IFITM1: variants seen among roughly 807,000 people sequenced by gnomAD.
IFITM1 encodes interferon-induced transmembrane protein 1.
Under a neutral mutation model 4.0 loss-of-function variants are expected in IFITM1, and 1 was observed. The observed-to-expected ratio is 0.25, with a 90% confidence interval of 0.09 to 1.18. The LOEUF (loss-of-function observed/expected upper bound fraction) is 1.18, where lower values mean the gene tolerates loss of function less well. Among genes scored for constraint, IFITM1 ranks in the 50% most tolerant of loss-of-function variants. The probability of loss-of-function intolerance (pLI) is 0.50; values close to 1 mark genes in which losing one functional copy is unlikely to be tolerated. For missense variants in IFITM1, 131 were observed against 163.2 expected, an observed-to-expected ratio of 0.80 and a Z score of 1.08; for synonymous variants, 79 against 69.7, an observed-to-expected ratio of 1.13 and a Z score of -0.67.
At position 315,174 on chromosome 11, in the gene IFITM1, G is replaced by T; in HGVS notation, c.*61G>T. The stretch of plus-strand genomic sequence containing the variant: ...GTGCAATGCTGGCCCTGCACGCTGG[G>T]GCTGTTGCCCCTGCCCCCTTGGTCC... On this transcript the variant is annotated 3_prime_UTR_variant, in exon 2 of 2. Coordinates refer to ENST00000408968, the MANE Select transcript of IFITM1 (RefSeq NM_003641.5). 6.5e-7 allele frequency: 1 copy of T among 1,549,494 alleles called. No individual in the cohort carries two copies. Among genetic ancestry groups the T allele is most frequent in the Non-Finnish European group, 8.9e-7 (1 of 1,128,600 alleles).
At position 314,847 on chromosome 11, in the gene IFITM1, G is replaced by C; in HGVS notation, c.187-75G>C. 6.2e-7 allele frequency: 1 copy of C among 1,601,092 alleles called. No individual in the cohort carries two copies. The highest frequency in any genetic ancestry group is 8.5e-7 in the Non-Finnish European group (1 of 1,173,458). On this transcript the variant is annotated intron_variant, in intron 1 of 1. Transcript: ENST00000408968. This position sits in a 1 kb window ranked among gnomAD's most constrained non-coding sequence, Gnocchi z 4.5. ...AGGAGGTGGTCCCTGATCTCAGGGC[G>C]GGGAGGAGACGGAGCCATAGCACGC...
Position 315,238 on chromosome 11 carries a change from TAC to T in IFITM1, c.*127_*128del. ...AGCAGTTTATACCCACACACCTGTC[TAC>T]AGTGTCATTCAATAAAGTGCACGTG... On this transcript the variant is annotated 3_prime_UTR_variant, in exon 2 of 2. Coordinates refer to ENST00000408968, the MANE Select transcript of IFITM1 (RefSeq NM_003641.5). The T allele has an allele frequency of 1.2e-6, 1 of 854,138 alleles. No individual in the cohort carries two copies. The highest frequency in any genetic ancestry group is 1.6e-5 in the South Asian group (1 of 61,448). 52.9% of individuals were successfully genotyped at this position (854,138 alleles called of 1,614,324 possible).
rs1394527000 is a variant in IFITM1 at position 314,154 on chromosome 11, T to C, written c.-17T>C. ...TCTCAAACCTTCACTCAACACTTCCTTCCCCAAAGCCAGAAGATGCACAAG... is the reference window on the plus strand; with the variant it reads ...TCTCAAACCTTCACTCAACACTTCCCTCCCCAAAGCCAGAAGATGCACAAG... On this transcript the variant is annotated 5_prime_UTR_variant, in exon 1 of 2. Transcript: ENST00000408968. This position sits in a 1 kb window ranked among gnomAD's most constrained non-coding sequence, Gnocchi z 4.5. 1.9e-6 allele frequency: 3 copies of C among 1,612,690 alleles called. No individual in the cohort carries two copies. The East Asian group carries it at 6.7e-5, about 36-fold the overall frequency.
rs1002061587 is a variant in IFITM1, at chr11:314,829, G to C, written c.187-93G>C. 4.9e-5 allele frequency: 77 copies of C among 1,567,504 alleles called. No individual in the cohort carries two copies. The highest frequency in any genetic ancestry group is 6.6e-5 in the Non-Finnish European group (76 of 1,148,692). On this transcript the variant is annotated intron_variant, in intron 1 of 1. Coordinates refer to ENST00000408968, the MANE Select transcript of IFITM1 (RefSeq NM_003641.5). The surrounding 1 kb of genome is among the most constrained non-coding windows in gnomAD (Gnocchi z 4.5). Reference sequence around the variant, plus strand: ...GCCCGGGTGAGGAAGGGGAGGAGGTGGTCCCTGATCTCAGGGCGGGGAGGA... The same window carrying C: ...GCCCGGGTGAGGAAGGGGAGGAGGTCGTCCCTGATCTCAGGGCGGGGAGGA...
In IFITM1 at chr11:314,320, C is replaced by T; in HGVS notation, c.150C>T (p.Cys50=). 6.2e-7 allele frequency: 1 copy of T among 1,613,976 alleles called. No individual in the cohort carries two copies. Among genetic ancestry groups the T allele is most frequent in the Non-Finnish European group, 8.5e-7 (1 of 1,179,870 alleles). The change falls in exon 1 of 2, where the codon TGC becomes TGT. Residue 50 remains cysteine, a synonymous_variant. Coordinates refer to ENST00000408968, the MANE Select transcript of IFITM1 (RefSeq NM_003641.5). This position sits in a 1 kb window ranked among gnomAD's most constrained non-coding sequence, Gnocchi z 4.5. Reference sequence around the variant, plus strand: ...TCAACACCCTCTTCTTGAACTGGTGCTGTCTGGGCTTCATAGCATTCGCCT... The same window carrying T: ...TCAACACCCTCTTCTTGAACTGGTGTTGTCTGGGCTTCATAGCATTCGCCT... ...SLFNTLFLNW[C]CLGFIAFAYS...
chr11:314,043 AC>A lies in IFITM1; in HGVS notation c.-127del. ...AAATACACACTTCTGAGAAACTGAA[AC>A]GACAGGGGAAAGGAGGTCTCACTGA... On this transcript the variant is annotated 5_prime_UTR_variant, in exon 1 of 2. Transcript: ENST00000408968. The surrounding 1 kb of genome is among the most constrained non-coding windows in gnomAD (Gnocchi z 4.5). The A allele has an allele frequency of 1.4e-6, 1 of 722,246 alleles. No individual in the cohort carries two copies. Among genetic ancestry groups the A allele is most frequent in the Non-Finnish European group, 2.4e-6 (1 of 420,360 alleles). The allele number at this position is 722,246 out of a possible 1,614,324, so 44.7% of individuals were successfully genotyped here.
Position 315,166 on chromosome 11 carries a change from C to G in IFITM1, c.*53C>G. ...ACTCCACTGTGCAATGCTGGCCCTG[C>G]ACGCTGGGGCTGTTGCCCCTGCCCC... On this transcript the variant is annotated 3_prime_UTR_variant, in exon 2 of 2. Coordinates refer to ENST00000408968, the MANE Select transcript of IFITM1 (RefSeq NM_003641.5). 6.4e-7 allele frequency: 1 copy of G among 1,569,982 alleles called. No homozygotes were observed. The highest frequency in any genetic ancestry group is 2.2e-5 in the East Asian group (1 of 44,534).
At position 314,804 on chromosome 11, in the gene IFITM1, G is replaced by T; in HGVS notation, c.187-118G>T. On this transcript the variant is annotated intron_variant, in intron 1 of 1. Transcript: ENST00000408968. The surrounding 1 kb of genome is among the most constrained non-coding windows in gnomAD (Gnocchi z 4.5). ...GCCCCGAGGCTCCTGGAGAGTCTGA[G>T]CCCGGGTGAGGAAGGGGAGGAGGTG... The T allele has an allele frequency of 1.4e-6, 2 of 1,462,368 alleles. No individual in the cohort carries two copies. Among genetic ancestry groups the T allele is most frequent in the South Asian group, 2.4e-5 (2 of 84,042 alleles). 90.6% of individuals were successfully genotyped at this position (1,462,368 alleles called of 1,614,324 possible). A position where few individuals can be genotyped will look rare whatever the true frequency, so the allele number is the denominator to read the frequency against.
chr11:314,214 C>A lies in IFITM1; in HGVS notation c.44C>A (p.Pro15His), dbSNP rs765520870. ...GAGGTGGCTGTGCTGGGGCCACCCCCCAGCACCATCCTTCCAAGGTCCACC... is the reference window on the plus strand; with the variant it reads ...GAGGTGGCTGTGCTGGGGCCACCCCACAGCACCATCCTTCCAAGGTCCACC... ...EHEVAVLGPP[P>H]STILPRSTVI... is the part of the protein sequence containing the mutation. The change falls in exon 1 of 2, where the codon CCC (proline) becomes CAC (histidine). Residue 15 changes from proline to histidine, a missense_variant. By Grantham distance (77) the Pro-to-His change is moderately conservative. Around this residue, in one of 3 missense-constraint regions of IFITM1, gnomAD observed 77 missense variants for 80.1 expected, o/e 0.96. Transcript: ENST00000408968. The surrounding 1 kb of genome is among the most constrained non-coding windows in gnomAD (Gnocchi z 4.5). 2 of 1,613,766 alleles carry A rather than the reference C, an allele frequency of 1.2e-6. No individual in the cohort carries two copies. The highest frequency in any genetic ancestry group is 1.7e-5 in the Admixed American group (1 of 59,998).
rs1339298745 is a variant in IFITM1 at position 314,744 on chromosome 11, C to T, written c.187-178C>T. Among the ~76,000 whole-genome samples the T allele has an allele frequency of 1.3e-5, 2 of 152,178 alleles. No individual in the cohort carries two copies. The highest frequency in any genetic ancestry group is 2.9e-5 in the Non-Finnish European group (2 of 68,020). On this transcript the variant is annotated intron_variant, in intron 1 of 1. Transcript: ENST00000408968. The surrounding 1 kb of genome is among the most constrained non-coding windows in gnomAD (Gnocchi z 4.5). The stretch of plus-strand genomic sequence containing the variant: ...TGACTTCACCCCATGGTGGGGAGAA[C>T]AGCCTGTGCTGGGGCCAAGGCAGAA...
In IFITM1 at chr11:314,042, A is replaced by C; in HGVS notation, c.-129A>C. On this transcript the variant is annotated 5_prime_UTR_variant, in exon 1 of 2. Coordinates refer to ENST00000408968, the MANE Select transcript of IFITM1 (RefSeq NM_003641.5). This position sits in a 1 kb window ranked among gnomAD's most constrained non-coding sequence, Gnocchi z 4.5. ...GAAATACACACTTCTGAGAAACTGA[A>C]ACGACAGGGGAAAGGAGGTCTCACT... 1 of 719,994 alleles carries C rather than the reference A, an allele frequency of 1.4e-6. No individual in the cohort carries two copies. Among genetic ancestry groups the C allele is most frequent in the South Asian group, 1.8e-5 (1 of 56,912 alleles). 44.6% of individuals were successfully genotyped at this position (719,994 alleles called of 1,614,324 possible).
chr11:314,083 A>G lies in IFITM1; in HGVS notation c.-88A>G. ...AGGTCTCACTGAGCACCGTCCCAGC[A>G]TCCGGACACCACAGCGGCCCTTCGC... On this transcript the variant is annotated 5_prime_UTR_variant, in exon 1 of 2. Transcript: ENST00000408968. This position sits in a 1 kb window ranked among gnomAD's most constrained non-coding sequence, Gnocchi z 4.5. The G allele has an allele frequency of 1.7e-6, 2 of 1,161,294 alleles. No homozygotes were observed. The highest frequency in any genetic ancestry group is 2.6e-5 in the South Asian group (2 of 77,176). The allele number at this position is 1,161,294 out of a possible 1,614,324, so 71.9% of individuals were successfully genotyped here. A position where few individuals can be genotyped will look rare whatever the true frequency, so the allele number is the denominator to read the frequency against.
rs761685431 is a variant in IFITM1 at position 314,208 on chromosome 11, C to A, written c.38C>A (p.Pro13Gln). The A allele has an allele frequency of 6.2e-7, 1 of 1,613,036 alleles. No individual in the cohort carries two copies. Among genetic ancestry groups the A allele is most frequent in the East Asian group, 2.2e-5 (1 of 44,884 alleles). ...GAACATGAGGTGGCTGTGCTGGGGC[C>A]ACCCCCCAGCACCATCCTTCCAAGG... Reference protein sequence around the residue: ...KEEHEVAVLGPPPSTILPRST... With the variant: ...KEEHEVAVLGQPPSTILPRST... The change falls in exon 1 of 2, where the codon CCA becomes CAA. Residue 13 changes from proline to glutamine, a missense_variant. Pro to Gln is a moderately conservative substitution (Grantham distance 76, BLOSUM62 -1). Around this residue, in one of 3 missense-constraint regions of IFITM1, gnomAD observed 77 missense variants for 80.1 expected, o/e 0.96. Coordinates refer to ENST00000408968, the MANE Select transcript of IFITM1 (RefSeq NM_003641.5). This position sits in a 1 kb window ranked among gnomAD's most constrained non-coding sequence, Gnocchi z 4.5.
Position 314,483 on chromosome 11 carries a change from T to A in IFITM1, c.186+127T>A. ...TGAGTTTGTGTGCACCTCTGCCCCGTGTGTGCTCACGTCAGTAGCTTTGTC... is the reference window on the plus strand; with the variant it reads ...TGAGTTTGTGTGCACCTCTGCCCCGAGTGTGCTCACGTCAGTAGCTTTGTC... On this transcript the variant is annotated intron_variant, in intron 1 of 1. Coordinates refer to ENST00000408968, the MANE Select transcript of IFITM1 (RefSeq NM_003641.5). The surrounding 1 kb of genome is among the most constrained non-coding windows in gnomAD (Gnocchi z 4.5). 1 of 1,075,484 alleles carries A rather than the reference T, an allele frequency of 9.3e-7. No individual in the cohort carries two copies. Among genetic ancestry groups the A allele is most frequent in the South Asian group, 1.3e-5 (1 of 74,568 alleles). The allele number at this position is 1,075,484 out of a possible 1,614,324, so 66.6% of individuals were successfully genotyped here.
chr11:315,179 T>C lies in IFITM1; in HGVS notation c.*66T>C. The C allele has an allele frequency of 6.7e-7, 1 of 1,498,974 alleles. No homozygotes were observed. The highest frequency in any genetic ancestry group is 1.2e-5 in the South Asian group (1 of 85,328). 92.9% of individuals were successfully genotyped at this position (1,498,974 alleles called of 1,614,324 possible). On this transcript the variant is annotated 3_prime_UTR_variant, in exon 2 of 2. Transcript: ENST00000408968. ...ATGCTGGCCCTGCACGCTGGGGCTG[T>C]TGCCCCTGCCCCCTTGGTCCTGCCC...
Position 314,094 on chromosome 11 carries a change from A to G in IFITM1, c.-77A>G, listed in dbSNP as rs1458500534. ...AGCACCGTCCCAGCATCCGGACACC[A>G]CAGCGGCCCTTCGCTCCACGCAGAA... On this transcript the variant is annotated 5_prime_UTR_variant, in exon 1 of 2. Transcript: ENST00000408968. This position sits in a 1 kb window ranked among gnomAD's most constrained non-coding sequence, Gnocchi z 4.5. The G allele has an allele frequency of 7.5e-7, 1 of 1,337,416 alleles. No individual in the cohort carries two copies. 82.8% of individuals were successfully genotyped at this position (1,337,416 alleles called of 1,614,324 possible).
chr11:314,101 C>T lies in IFITM1; in HGVS notation c.-70C>T. 3 of 1,413,540 alleles carry T rather than the reference C, an allele frequency of 2.1e-6. No homozygotes were observed. The highest frequency in any genetic ancestry group is 3.0e-6 in the Non-Finnish European group (3 of 1,003,218). The allele number at this position is 1,413,540 out of a possible 1,614,324, so 87.6% of individuals were successfully genotyped here. A position where few individuals can be genotyped will look rare whatever the true frequency, so the allele number is the denominator to read the frequency against. ...TCCCAGCATCCGGACACCACAGCGG[C>T]CCTTCGCTCCACGCAGAAAACCACA... is the stretch of plus-strand genomic sequence containing the variant. On this transcript the variant is annotated 5_prime_UTR_variant, in exon 1 of 2. Transcript: ENST00000408968. The surrounding 1 kb of genome is among the most constrained non-coding windows in gnomAD (Gnocchi z 4.5).
chr11:315,151 G>A lies in IFITM1; in HGVS notation c.*38G>A, dbSNP rs1846039903. On this transcript the variant is annotated 3_prime_UTR_variant, in exon 2 of 2. Transcript: ENST00000408968. ...GCCTGCAACCTTTGCACTCCACTGT[G>A]CAATGCTGGCCCTGCACGCTGGGGC... The A allele has an allele frequency of 6.2e-7, 1 of 1,601,596 alleles. No individual in the cohort carries two copies. Among genetic ancestry groups the A allele is most frequent in the Non-Finnish European group, 8.5e-7 (1 of 1,170,538 alleles).
chr11:314,044 C>G lies in IFITM1; in HGVS notation c.-127C>G, dbSNP rs1022291727. The G allele has an allele frequency of 1.4e-6, 1 of 726,318 alleles. No homozygotes were observed. Among genetic ancestry groups the G allele is most frequent in the Non-Finnish European group, 2.4e-6 (1 of 423,272 alleles). The allele number at this position is 726,318 out of a possible 1,614,324, so 45.0% of individuals were successfully genotyped here. A position where few individuals can be genotyped will look rare whatever the true frequency, so the allele number is the denominator to read the frequency against. On this transcript the variant is annotated 5_prime_UTR_variant, in exon 1 of 2. Coordinates refer to ENST00000408968, the MANE Select transcript of IFITM1 (RefSeq NM_003641.5). This position sits in a 1 kb window ranked among gnomAD's most constrained non-coding sequence, Gnocchi z 4.5. ...AATACACACTTCTGAGAAACTGAAA[C>G]GACAGGGGAAAGGAGGTCTCACTGA... is the stretch of plus-strand genomic sequence containing the variant.
Sources: gnomAD v4.1 joint callset for allele counts (sites outside exome capture counted in the v4.1 genomes callset) on GRCh38, gnomAD v4.1.1 for gene constraint, gnomAD v4.1.1 regional missense constraint, Gnocchi (gnomAD v3.1) non-coding constraint, MANE v1.5 for transcripts, NCBI Gene and HGNC (gene_info 2026-07-23, HGNC 2026-07-21) for gene names.